Variants in NALF1 observed in about 807,000 individuals in gnomAD.
The protein encoded by NALF1 is NALCN channel auxiliary factor 1, also known as family with sequence similarity 155 member A.
Under a neutral mutation model 48.4 loss-of-function variants are expected in NALF1, and 3 were observed. The observed-to-expected ratio is 0.06, with a 90% CI of 0.03 to 0.16. The LOEUF is 0.16. Ranked by LOEUF, NALF1 falls within the 10% of genes least tolerant of loss-of-function variation. The pLI is 1.00. For synonymous variants in NALF1, 262 were observed against 245.7 expected (o/e 1.07, Z -0.62); for missense variants, 526 against 571.5 (o/e 0.92, Z 0.81).
At chr13:107,188,567 G>T (rs773643354) in intron 2 of NALF1, among the ~76,000 whole-genome samples, 42 of 152,230 alleles carry the variant, frequency 2.8e-4, no homozygotes, top group Non-Finnish European at 5.7e-4. Flanking sequence ...TTATAAACAA[G>T]TAGTTTTTGG....
chr13:107,725,005 G>A (rs550044578), intron 1 of NALF1, among the ~76,000 whole-genome samples: 67 of 152,294 alleles, frequency 4.4e-4, no homozygotes, highest in African/African-American at 1.5e-3. Flanking sequence ...GTTAACCAGA[G>A]ATAGAAGTTA....
At chr13:107,636,979 T>C (rs1924434) in intron 1 of NALF1, among the ~76,000 whole-genome samples, 5,440 of 151,296 alleles carry the variant, frequency 0.036, 125 homozygotes, top group Non-Finnish European at 0.057. Flanking sequence ...CCCATAAGAT[T>C]ATAATGTAGC....
intron 1 of NALF1, among the ~76,000 whole-genome samples, chr13:107,246,821 G>A (rs1594087840): frequency 6.6e-6 from 1 of 152,226 alleles, no homozygotes. Context: ...ACATAGAAAA[G>A]AGGAAAGGGG....
intron 1 of NALF1, among the ~76,000 whole-genome samples, chr13:107,546,665 C>CATAGATGGAA (rs1877145099): frequency 1.3e-5 from 2 of 152,060 alleles, no homozygotes; most frequent in Non-Finnish European, 2.9e-5. Context: ...GTCTCTCTCC[C>CATAGATGGAA]GGCTAGCTTT....
chr13:107,236,266 A>C (rs1880339845), intron 1 of NALF1, among the ~76,000 whole-genome samples: 1 of 152,124 alleles, frequency 6.6e-6, no homozygotes, highest in African/African-American at 2.4e-5. Context: ...TGCTTACTGG[A>C]TGGGGATAAA....
intron 1 of NALF1, among the ~76,000 whole-genome samples, chr13:107,271,900 T>G (rs906706499): frequency 1.3e-5 from 2 of 150,306 alleles, no homozygotes; most frequent in African/African-American, 4.9e-5. Context: ...CGAGGAACTT[T>G]CTGACAAATG....
At chr13:107,693,764 T>C (rs1425471539) in intron 1 of NALF1, among the ~76,000 whole-genome samples, 2 of 152,120 alleles carry the variant, frequency 1.3e-5, no homozygotes, top group African/African-American at 4.8e-5. Context: ...CAAAAAGATG[T>C]CATAAATGTA....
intron 1 of NALF1, among the ~76,000 whole-genome samples, chr13:107,641,834 C>A (rs1450276480): frequency 6.6e-6 from 1 of 152,162 alleles, no homozygotes; most frequent in East Asian, 1.9e-4. Context: ...CAGGTTTCAA[C>A]ACCACATGGT....
chr13:107,449,453 G>A (rs926047519), intron 1 of NALF1, among the ~76,000 whole-genome samples: 2 of 152,124 alleles, frequency 1.3e-5, no homozygotes, highest in Non-Finnish European at 2.9e-5. Flanking sequence ...ATTGCAAAGG[G>A]TGTATTTGGA....
chr13:107,264,415 C>T (rs763533829), intron 1 of NALF1, among the ~76,000 whole-genome samples: 6 of 152,168 alleles, frequency 3.9e-5, no homozygotes, highest in Non-Finnish European at 8.8e-5. Flanking sequence ...TTTTGCTCTC[C>T]TTCATAGCTA....
At position 107,170,743 on chromosome 13, in the gene NALF1, A is replaced by G; in HGVS notation, c.1131T>C (p.Cys377=). ...TFLTNDEPEC[C]DVRREEKSNN... is the part of the protein sequence containing the mutation. ...TTGATTTTTCTTCTCTCCTGACGTC[A>G]CAGCATTCTGGTTCATCATTGGTTA... Residue 377 remains cysteine, a synonymous_variant, in exon 3 of 3, where the codon TGT becomes TGC. Coordinates refer to ENST00000375915, the MANE Select transcript of NALF1 (RefSeq NM_001080396.3). The G allele has an allele frequency of 6.2e-7, 1 of 1,614,194 alleles. No individual in the cohort carries two copies. Among genetic ancestry groups the G allele is most frequent in the South Asian group, 1.1e-5 (1 of 91,084 alleles).
At chr13:107,759,352 G>A (rs1198292717) in intron 1 of NALF1, among the ~76,000 whole-genome samples, 1 of 152,136 alleles carries the variant, frequency 6.6e-6, no homozygotes, top group Non-Finnish European at 1.5e-5. Flanking sequence ...AGGACTACAG[G>A]TGCATGCCAC....
At chr13:107,311,929 C>A (rs1328066121) in intron 1 of NALF1, among the ~76,000 whole-genome samples, 2 of 152,116 alleles carry the variant, frequency 1.3e-5, no homozygotes, top group Non-Finnish European at 2.9e-5. Context: ...ACAACAGGTG[C>A]TGGAGAGGAT....
At chr13:107,451,663 C>T (rs141806864) in intron 1 of NALF1, among the ~76,000 whole-genome samples, 47 of 152,308 alleles carry the variant, frequency 3.1e-4, no homozygotes, top group Non-Finnish European at 5.4e-4. Flanking sequence ...ACAGATTTCC[C>T]TTTCCCAGAA....
intron 1 of NALF1, among the ~76,000 whole-genome samples, chr13:107,617,426 G>C (rs1018677560): frequency 6.6e-6 from 1 of 152,164 alleles, no homozygotes; most frequent in Non-Finnish European, 1.5e-5. Context: ...CAATAAAGAA[G>C]AACAACATCC....
chr13:107,858,168 C>T (rs1187809205), intron 1 of NALF1, among the ~76,000 whole-genome samples: 4 of 152,210 alleles, frequency 2.6e-5, no homozygotes, highest in African/African-American at 7.2e-5. Context: ...AGGACTCTCA[C>T]ATTTCTGTCT....
At chr13:107,788,723 C>T (rs566415083) in intron 1 of NALF1, 1 of 152,232 alleles carries the variant, frequency 6.6e-6, no homozygotes, top group East Asian at 1.9e-4. Context: ...ACCCCAGCAG[C>T]TCATTTAGCA....
chr13:107,865,745 G>C lies in NALF1; in HGVS notation c.852C>G (p.Ser284Arg), dbSNP rs1367002958. The C allele has an allele frequency of 6.2e-7, 1 of 1,614,072 alleles. No homozygotes were observed. Among genetic ancestry groups the C allele is most frequent in the Admixed American group, 1.7e-5 (1 of 60,002 alleles). ...CCGACTGTAAATATTTGTGGAGCAC[G>C]CTTTCAAACTCTTCGTATTTCTCCT... ...HAQEKYEEFE[S>R]VLHKYLQSEE... Residue 284 changes from serine to arginine, a missense_variant, in exon 1 of 3, where the codon AGC becomes AGG. Transcript: ENST00000375915.
At chr13:107,740,513 T>C (rs1876601105) in intron 1 of NALF1, among the ~76,000 whole-genome samples, 2 of 152,228 alleles carry the variant, frequency 1.3e-5, no homozygotes, top group Non-Finnish European at 1.5e-5. Context: ...TTCTTGAAAT[T>C]ACATAGCATC....
Sources: gnomAD v4.1 joint callset for allele counts (sites outside exome capture counted in the v4.1 genomes callset) on GRCh38, gnomAD v4.1.1 for gene constraint, MANE v1.5 for transcripts, NCBI Gene and HGNC (gene_info 2026-07-23, HGNC 2026-07-21) for gene names.